The following TAF15 variants were observed in gnomAD, a reference collection of about 807,000 sequenced individuals.
The protein encoded by TAF15 is TATA-binding protein-associated factor 2N.
Under a neutral mutation model 102.5 loss-of-function variants are expected in TAF15, and 37 were observed. The observed-to-expected ratio is 0.36, with a 90% CI of 0.28 to 0.47. The LOEUF (loss-of-function observed/expected upper bound fraction) is 0.47, where lower values mean the gene tolerates loss of function less well. TAF15 is among the 20% of genes least tolerant of loss of function. The pLI is 0.99. For missense variants in TAF15, 652 were observed against 760.7 expected, an observed-to-expected ratio of 0.86 and a Z score of 1.68; for synonymous variants, 273 against 259.2, an observed-to-expected ratio of 1.05 and a Z score of -0.51.
At chr17:35,815,707 T>C (rs1200882630) in intron 1 of TAF15, among the ~76,000 whole-genome samples, 1 of 152,204 alleles carries the variant, frequency 6.6e-6, no homozygotes, top group Non-Finnish European at 1.5e-5. Flanking sequence ...ACTCATTGTT[T>C]TCCCCCTCAT....
At chr17:35,828,550 T>C (rs1229638621) in intron 7 of TAF15, among the ~76,000 whole-genome samples, 1 of 152,108 alleles carries the variant, frequency 6.6e-6, no homozygotes, top group African/African-American at 2.4e-5. Flanking sequence ...ATGGGCAATA[T>C]AGTAAGATGT....
intron 1 of TAF15, among the ~76,000 whole-genome samples, chr17:35,816,368 T>TG (rs1045432301): frequency 2.0e-5 from 3 of 152,198 alleles, no homozygotes; most frequent in Admixed American, 6.5e-5. Context: ...GGCGTGGTGC[T>TG]GCACACCTGT....
rs1410387697 is a variant in TAF15 at position 35,847,008 on chromosome 17, C to T, written c.*63C>T. On this transcript the variant is annotated 3_prime_UTR_variant, in exon 16 of 16. Coordinates refer to ENST00000605844, the MANE Select transcript of TAF15 (RefSeq NM_139215.3). The stretch of plus-strand genomic sequence containing the variant: ...CATAGTGAAATTGCCAGAGTTTTGC[C>T]TGCTGCTTTCCTCGTGGCCTCTTCT... 2 of 1,536,788 alleles carry T rather than the reference C, an allele frequency of 1.3e-6. No homozygotes were observed. The highest frequency in any genetic ancestry group is 1.8e-6 in the Non-Finnish European group (2 of 1,125,400).
At chr17:35,823,835 A>ATGGAAT in intron 6 of TAF15, 1 of 575,618 alleles carries the variant, frequency 1.7e-6, no homozygotes, top group Non-Finnish European at 3.1e-6. Flanking sequence ...CTTTAGCAGA[A>ATGGAAT]TGGAATTTGA....
chr17:35,842,327 T>G, intron 11 of TAF15, 40 bp from the exon 12 acceptor site: 2 of 1,478,020 alleles, frequency 1.4e-6, no homozygotes, highest in South Asian at 1.1e-5. Flanking sequence ...GGTGGAGGTA[T>G]AGAGTAGCAT....
intron 6 of TAF15, 63 bp from the exon 7 acceptor site, chr17:35,824,015 A>G: frequency 6.2e-7 from 1 of 1,610,500 alleles, no homozygotes; most frequent in Non-Finnish European, 8.5e-7. Flanking sequence ...GCCATTTAAC[A>G]TTGTTATTTG....
At chr17:35,839,671 C>T (rs908361454) in intron 11 of TAF15, among the ~76,000 whole-genome samples, 1 of 152,022 alleles carries the variant, frequency 6.6e-6, no homozygotes, top group Non-Finnish European at 1.5e-5. Flanking sequence ...CGTGAGCCAC[C>T]GCACCCGGCC....
chr17:35,841,028 G>A (rs534466488), intron 11 of TAF15, among the ~76,000 whole-genome samples: 2 of 152,334 alleles, frequency 1.3e-5, no homozygotes, highest in East Asian at 3.9e-4. Flanking sequence ...ATGAAGCTAT[G>A]TCTTTTGCAT....
At chr17:35,826,724 ATTTTTTTTTTT>A (rs756619028) in intron 7 of TAF15, among the ~76,000 whole-genome samples, 1 of 127,972 alleles carries the variant, frequency 7.8e-6, no homozygotes, top group East Asian at 2.3e-4. Flanking sequence ...CACCCGGCTA[ATTTTTTTTTTT>A]TTTTTTTTTT....
At chr17:35,838,134 A>G (rs118045144) in intron 10 of TAF15, among the ~76,000 whole-genome samples, 205 of 152,262 alleles carry the variant, frequency 1.3e-3, no homozygotes, top group Non-Finnish European at 2.4e-3. Flanking sequence ...ATTGAGTATG[A>G]TCGTGCCACT....
intron 7 of TAF15, among the ~76,000 whole-genome samples, chr17:35,827,180 A>G (rs2087340371): frequency 6.6e-6 from 1 of 151,646 alleles, no homozygotes; most frequent in African/African-American, 2.4e-5. Context: ...CTAAAACTAC[A>G]AAAAAATTAG....
chr17:35,811,274 G>A (rs1371102789), intron 1 of TAF15: 2 of 152,120 alleles, frequency 1.3e-5, no homozygotes, highest in Non-Finnish European at 2.9e-5. Context: ...TATCATATAA[G>A]CATATAAGCT....
rs375173772 is a variant in TAF15, at chr17:35,842,293, A to G, written c.914-74A>G. On this transcript the variant is annotated intron_variant, in intron 11 of 15. Transcript: ENST00000605844. The stretch of plus-strand genomic sequence containing the variant: ...TACTCCTCTGAAACTAAAGATTTCC[A>G]AGACTTTTTCATTTTTGTTGACAGG... 7 of 1,166,732 alleles carry G rather than the reference A, an allele frequency of 6.0e-6. No individual in the cohort carries two copies. The South Asian group carries it at 9.0e-5, about 15-fold the overall frequency. 72.3% of individuals were successfully genotyped at this position (1,166,732 alleles called of 1,614,324 possible).
chr17:35,830,439 A>C (rs2087389779), intron 7 of TAF15: 1 of 149,068 alleles, frequency 6.7e-6, no homozygotes, highest in South Asian at 2.1e-4. Flanking sequence ...AATTAAAGCA[A>C]ATTTGTTGTG....
At chr17:35,822,344 CAAA>C (rs909362495) in intron 5 of TAF15, among the ~76,000 whole-genome samples, 9 of 67,478 alleles carry the variant, frequency 1.3e-4, no homozygotes, top group Non-Finnish European at 3.4e-5. Context: ...ACCTCTGTCT[CAAA>C]AAAAAAAAAA....
At chr17:35,836,589 GTTAT>G (rs2087477789) in intron 10 of TAF15, among the ~76,000 whole-genome samples, 2 of 152,134 alleles carry the variant, frequency 1.3e-5, no homozygotes, top group African/African-American at 2.4e-5. Flanking sequence ...CTTGGGAGGG[GTTAT>G]TTAATGTTTA....
intron 7 of TAF15, among the ~76,000 whole-genome samples, chr17:35,829,658 AGAG>A: frequency 4.2e-5 from 5 of 120,204 alleles, no homozygotes; most frequent in South Asian, 4.7e-4. Context: ...AAAAAAAAAG[AGAG>A]AGAGAGACCT....
At chr17:35,831,891 G>T (rs1392752414) in intron 7 of TAF15, among the ~76,000 whole-genome samples, 1 of 151,614 alleles carries the variant, frequency 6.6e-6, no homozygotes, top group South Asian at 2.1e-4. Flanking sequence ...GACCATCCTG[G>T]CCAACACAGT....
chr17:35,816,208 G>T (rs907457764), intron 1 of TAF15, among the ~76,000 whole-genome samples: 1 of 152,098 alleles, frequency 6.6e-6, no homozygotes, highest in Non-Finnish European at 1.5e-5. Flanking sequence ...GGCAAATTTG[G>T]TATCACCCAC....
Sources: gnomAD v4.1 joint callset for allele counts (sites outside exome capture counted in the v4.1 genomes callset) on GRCh38, gnomAD v4.1.1 for gene constraint, MANE v1.5 for transcripts, NCBI Gene and HGNC (gene_info 2026-07-23, HGNC 2026-07-21) for gene names.